CD55: variants seen among roughly 807,000 people sequenced by gnomAD.
The protein encoded by CD55 is complement decay-accelerating factor.
A neutral mutation model predicts 45.8 loss-of-function variants in CD55; 41 were observed. That is an observed-to-expected ratio of 0.90 (90% CI 0.70 to 1.16). CD55 has a LOEUF of 1.16. Among genes scored for constraint, CD55 ranks in the 50% most tolerant of loss-of-function variants. CD55 has a pLI of 0.00. For synonymous variants in CD55, 181 were observed against 181.1 expected, an observed-to-expected ratio of 1.00 and a Z score of 0.01; for missense variants, 416 against 469.8, an observed-to-expected ratio of 0.89 and a Z score of 1.06.
chr1:207,345,485 AT>A (rs1558154491), intron 9 of CD55, among the ~76,000 whole-genome samples: 1 of 151,582 alleles, frequency 6.6e-6, no homozygotes, highest in Admixed American at 6.6e-5. Context: ...ATTTCTTTGT[AT>A]TTTTTTAAAA....
At chr1:207,336,906 C>A in intron 7 of CD55, 88 bp downstream of exon 7, 1 of 1,443,280 alleles carries the variant, frequency 6.9e-7, no homozygotes, top group Non-Finnish European at 9.7e-7. Flanking sequence ...AAACCCACCA[C>A]AGTAAATGTC....
chr1:207,348,123 A>G (rs1338636855), intron 9 of CD55, among the ~76,000 whole-genome samples: 1 of 152,152 alleles, frequency 6.6e-6, no homozygotes, highest in Non-Finnish European at 1.5e-5. Flanking sequence ...TGGTGGTTCT[A>G]AGTTCTTTGA....
intron 6 of CD55, among the ~76,000 whole-genome samples, chr1:207,336,021 T>G (rs1264018188): frequency 2.0e-5 from 3 of 152,096 alleles, no homozygotes; most frequent in African/African-American, 7.2e-5. Flanking sequence ...AACAGGGGAC[T>G]TTGTATAAGT....
At position 207,324,260 on chromosome 1, in the gene CD55, A is replaced by G. The variant is rs80319405; in HGVS notation, c.287-299A>G. ...TCTTTAGGGCAGGGTAAGGAAACCAACATTTATTGAATGCCAGAACTGGGC... is the reference window on the plus strand; with the variant it reads ...TCTTTAGGGCAGGGTAAGGAAACCAGCATTTATTGAATGCCAGAACTGGGC... On this transcript the variant is annotated intron_variant, in intron 2 of 9. Coordinates refer to ENST00000367064, the MANE Select transcript of CD55 (RefSeq NM_000574.5). Among the ~76,000 whole-genome samples, 566 of 151,804 alleles carry G rather than the reference A, an allele frequency of 3.7e-3. 27 individuals are homozygous for G. The East Asian group carries it at 0.095, about 26-fold the overall frequency.
intron 6 of CD55, among the ~76,000 whole-genome samples, chr1:207,335,682 A>C (rs2102404985): frequency 6.6e-6 from 1 of 152,162 alleles, no homozygotes; most frequent in Non-Finnish European, 1.5e-5. Context: ...TAGGCGTTTT[A>C]CTCAATTTAT....
Position 207,334,886 on chromosome 1 carries a change from G to T in CD55, c.854-1807G>T, listed in dbSNP as rs141232266. Among the ~76,000 whole-genome samples the T allele has an allele frequency of 5.1e-3, 631 of 124,876 alleles. 5 individuals carry two copies. The highest frequency in any genetic ancestry group is 0.018 in the African/African-American group (597 of 33,212). 81.9% of individuals were successfully genotyped at this position (124,876 alleles called of 152,430 possible). Reference sequence around the variant, plus strand: ...TGACCAAGATTGTCAGACTTAAAAAGATTTTAAAAAGAACCTAGTTCTTTA... The same window carrying T: ...TGACCAAGATTGTCAGACTTAAAAATATTTTAAAAAGAACCTAGTTCTTTA... On this transcript the variant is annotated intron_variant, in intron 6 of 9. Coordinates refer to ENST00000367064, the MANE Select transcript of CD55 (RefSeq NM_000574.5).
chr1:207,342,828 G>T (rs1335499520), intron 9 of CD55, among the ~76,000 whole-genome samples: 1 of 152,076 alleles, frequency 6.6e-6, no homozygotes, highest in Non-Finnish European at 1.5e-5. Context: ...ATCCAGTCCT[G>T]GGCTTTTCTT....
Position 207,336,819 on chromosome 1 carries a change from G to A in CD55, c.979+1G>A. The stretch of plus-strand genomic sequence containing the variant: ...AAAACCACCACACCAAATGCTCAAG[G>A]TACAGAGACTCCATCAGTTCTTCAA... On this transcript the variant is annotated splice_donor_variant, in intron 7 of 9. Coordinates refer to ENST00000367064, the MANE Select transcript of CD55 (RefSeq NM_000574.5). LOFTEE classifies it high-confidence loss of function. 3.1e-6 allele frequency: 5 copies of A among 1,613,454 alleles called. No individual in the cohort carries two copies. The highest frequency in any genetic ancestry group is 4.2e-6 in the Non-Finnish European group (5 of 1,179,720).
chr1:207,351,010 A>G (rs1655847634), intron 9 of CD55, among the ~76,000 whole-genome samples: 1 of 151,948 alleles, frequency 6.6e-6, no homozygotes, highest in Non-Finnish European at 1.5e-5. Context: ...TCCTCTTGAC[A>G]TTGTTCTGGC....
intron 1 of CD55, among the ~76,000 whole-genome samples, 189 bp downstream of exon 1, chr1:207,322,054 C>T (rs1654434275): frequency 6.6e-6 from 1 of 152,192 alleles, no homozygotes; most frequent in South Asian, 2.1e-4. Flanking sequence ...TGTGTCGGCC[C>T]CCAGCTGACT....
At chr1:207,356,625 G>A (rs540077465) in intron 9 of CD55, among the ~76,000 whole-genome samples, 1 of 152,158 alleles carries the variant, frequency 6.6e-6, no homozygotes, top group East Asian at 1.9e-4. Flanking sequence ...GGTTAAGGCA[G>A]CAGACAAATG....
At chr1:207,337,062 CA>C in intron 7 of CD55, 2 of 611,080 alleles carry the variant, frequency 3.3e-6, no homozygotes, top group Non-Finnish European at 5.8e-6. Context: ...CCCACCAGAG[CA>C]AATGATTCAG....
In CD55 at chr1:207,331,110, AT is replaced by A. The variant is rs1654921932; in HGVS notation, c.670del (p.Tyr224IlefsTer12). 6.3e-7 allele frequency: 1 copy of A among 1,594,478 alleles called. No homozygotes were observed. The highest frequency in any genetic ancestry group is 1.8e-5 in the Admixed American group (1 of 55,864). On this transcript the variant is annotated frameshift_variant, in exon 6 of 10. Coordinates refer to ENST00000367064, the MANE Select transcript of CD55 (RefSeq NM_000574.5). LOFTEE classifies it high-confidence loss of function. ...AGATGTTGGAATTGTTTTTTAAGAA[AT>A]TTATTGTCCAGCACCACCACAAATT... is the stretch of plus-strand genomic sequence containing the variant. Reference protein sequence around the residue: ...WSDPLPECREIYCPAPPQIDN... With the variant: ...WSDPLPECREXYCPAPPQIDN...
intron 3 of CD55, among the ~76,000 whole-genome samples, chr1:207,324,967 ACCTAAAATAAAACAAGTATATAT>A (rs1654605962): frequency 6.6e-6 from 1 of 152,206 alleles, no homozygotes; most frequent in Non-Finnish European, 1.5e-5. Flanking sequence ...GTTTGAGGTT[ACCTAAAATAAAACAAGTATATAT>A]TCTAAATTCG....
intron 5 of CD55, among the ~76,000 whole-genome samples, chr1:207,328,676 T>A (rs987631093): frequency 1.1e-4 from 16 of 152,214 alleles, no homozygotes; most frequent in African/African-American, 3.6e-4. Context: ...CTAGAATCAA[T>A]CCCTGCTATA....
chr1:207,359,462 T>C, intron 9 of CD55, 84 bp from the exon 10 acceptor site: 1 of 1,330,006 alleles, frequency 7.5e-7, no homozygotes, highest in Non-Finnish European at 1.0e-6. Flanking sequence ...ATTTATCACA[T>C]AGTAACTAAA....
chr1:207,321,925 C>A, intron 1 of CD55, 60 bp downstream of exon 1: 2 of 1,236,122 alleles, frequency 1.6e-6, no homozygotes, highest in South Asian at 1.4e-5. Context: ...CCAAGTCGGT[C>A]TCTGAGACAC....
chr1:207,349,317 C>T (rs576213282), intron 9 of CD55, among the ~76,000 whole-genome samples: 4 of 150,954 alleles, frequency 2.6e-5, no homozygotes, highest in Non-Finnish European at 4.4e-5. Flanking sequence ...CAAGTAGCTA[C>T]GATTACAGGT....
chr1:207,353,884 A>G (rs976365393), intron 9 of CD55: 5 of 738,196 alleles, frequency 6.8e-6, no homozygotes, highest in African/African-American at 1.8e-5. Context: ...ATCTCTTCCC[A>G]GGGTGCCTTC....
Sources: allele counts gnomAD v4.1 joint callset (sites outside exome capture counted in the v4.1 genomes callset), GRCh38; gene constraint gnomAD v4.1.1; transcripts MANE v1.5; gene names NCBI Gene and HGNC (gene_info 2026-07-23, HGNC 2026-07-21).